PCDH9: variants seen among roughly 807,000 people sequenced by gnomAD.
PCDH9 encodes protocadherin-9.
Under a neutral mutation model 70.6 loss-of-function variants are expected in PCDH9, and 24 were observed. That is an observed-to-expected ratio of 0.34 (90% CI 0.25 to 0.48). The LOEUF is 0.48. Among genes scored for constraint, PCDH9 ranks in the 20% least tolerant of loss-of-function variants. The pLI, the probability that PCDH9 is intolerant of heterozygous loss-of-function variation, is 0.99. For missense variants in PCDH9, 1,281 were observed against 1,503.6 expected (o/e 0.85, Z 2.45); for synonymous variants, 562 against 558.5 (o/e 1.01, Z -0.09).
At chr13:67,179,277 G>T (rs2088553031) in intron 2 of PCDH9, among the ~76,000 whole-genome samples, 1 of 152,042 alleles carries the variant, frequency 6.6e-6, no homozygotes, top group African/African-American at 2.4e-5. Context: ...TTCACTTTCA[G>T]AATTGTCAGA....
At chr13:66,970,105 GATC>G (rs2083493899) in intron 2 of PCDH9, among the ~76,000 whole-genome samples, 2 of 151,980 alleles carry the variant, frequency 1.3e-5, no homozygotes, top group African/African-American at 4.8e-5. Context: ...AGAAAAACTA[GATC>G]ATCTCACACC....
At chr13:67,012,371 T>G (rs1346809998) in intron 2 of PCDH9, among the ~76,000 whole-genome samples, 6 of 151,928 alleles carry the variant, frequency 3.9e-5, no homozygotes, top group Non-Finnish European at 8.8e-5. Flanking sequence ...CTGGCCATCA[T>G]GTTTTCTCTG....
chr13:67,133,512 T>C (rs1225650201), intron 2 of PCDH9, among the ~76,000 whole-genome samples: 1 of 152,134 alleles, frequency 6.6e-6, no homozygotes, highest in African/African-American at 2.4e-5. Context: ...CTTTACTGTC[T>C]GTAATTCTAT....
intron 2 of PCDH9, among the ~76,000 whole-genome samples, chr13:66,909,876 GAC>G (rs2082430379): frequency 6.6e-6 from 1 of 152,114 alleles, no homozygotes; most frequent in Non-Finnish European, 1.5e-5. Context: ...TCGGGACCCT[GAC>G]ACATGTTCCT....
At chr13:66,340,583 G>C (rs1286580277) in intron 4 of PCDH9, among the ~76,000 whole-genome samples, 1 of 152,136 alleles carries the variant, frequency 6.6e-6, no homozygotes, top group Non-Finnish European at 1.5e-5. Context: ...TGCCAAATAT[G>C]TGCCACTTCA....
intron 2 of PCDH9, among the ~76,000 whole-genome samples, chr13:67,059,388 T>C (rs1741361427): frequency 6.8e-6 from 1 of 146,878 alleles, no homozygotes; most frequent in South Asian, 2.1e-4. Context: ...ATATATAGTA[T>C]ATAGTATATA....
At chr13:66,939,151 A>G (rs569760681) in intron 2 of PCDH9, among the ~76,000 whole-genome samples, 39 of 152,162 alleles carry the variant, frequency 2.6e-4, no homozygotes, top group Admixed American at 9.2e-4. Flanking sequence ...TGAGCAATCT[A>G]TACTGTATAA....
intron 4 of PCDH9, among the ~76,000 whole-genome samples, chr13:66,610,164 T>C (rs942389995): frequency 3.9e-5 from 6 of 152,142 alleles, no homozygotes; most frequent in Non-Finnish European, 7.4e-5. Flanking sequence ...GCTTATATTA[T>C]TACTAATGCA....
chr13:66,882,843 G>T (rs1033076313), intron 3 of PCDH9, among the ~76,000 whole-genome samples: 1 of 152,028 alleles, frequency 6.6e-6, no homozygotes, highest in East Asian at 1.9e-4. Flanking sequence ...AGTGCATAAG[G>T]TCTATCAGCC....
intron 2 of PCDH9, among the ~76,000 whole-genome samples, chr13:67,176,933 G>A (rs989869598): frequency 6.6e-6 from 1 of 152,086 alleles, no homozygotes; most frequent in African/African-American, 2.4e-5. Flanking sequence ...AAGAAAGACA[G>A]TACAACAGTT....
intron 4 of PCDH9, among the ~76,000 whole-genome samples, chr13:66,326,573 C>T (rs571069657): frequency 1.3e-5 from 2 of 152,160 alleles, no homozygotes; most frequent in African/African-American, 2.4e-5. Context: ...CGCCCGCCAC[C>T]ACGCCCGGAT....
chr13:66,945,134 G>A (rs2083068271), intron 2 of PCDH9, among the ~76,000 whole-genome samples: 1 of 151,984 alleles, frequency 6.6e-6, no homozygotes, highest in Admixed American at 6.6e-5. Context: ...ATTTCTATTA[G>A]TAAAGGTATC....
At chr13:66,854,556 A>G (rs2081364215) in intron 3 of PCDH9, among the ~76,000 whole-genome samples, 1 of 152,154 alleles carries the variant, frequency 6.6e-6, no homozygotes, top group Admixed American at 6.5e-5. Flanking sequence ...CTGAGGTTGA[A>G]CAAGGCAATG....
intron 4 of PCDH9, among the ~76,000 whole-genome samples, chr13:66,531,887 A>T (rs2138634532): frequency 6.6e-6 from 1 of 152,288 alleles, no homozygotes; most frequent in Non-Finnish European, 1.5e-5. Flanking sequence ...CATTAACTTA[A>T]GTTCTCTTGG....
chr13:66,597,210 G>C (rs2138834802), intron 4 of PCDH9, among the ~76,000 whole-genome samples: 1 of 151,662 alleles, frequency 6.6e-6, no homozygotes, highest in Non-Finnish European at 1.5e-5. Flanking sequence ...TGCAGACCCA[G>C]AGCAATCCAT....
At chr13:66,632,757 G>T (rs1328745593) in intron 3 of PCDH9, among the ~76,000 whole-genome samples, 3 of 152,016 alleles carry the variant, frequency 2.0e-5, no homozygotes, top group Non-Finnish European at 4.4e-5. Flanking sequence ...TGCGCTATTT[G>T]AATAAACCTA....
At chr13:66,636,618 T>G (rs1290363437) in intron 3 of PCDH9, among the ~76,000 whole-genome samples, 2 of 152,154 alleles carry the variant, frequency 1.3e-5, no homozygotes, top group South Asian at 2.1e-4. Flanking sequence ...AATATGATTT[T>G]ATGTATAGAG....
intron 3 of PCDH9, among the ~76,000 whole-genome samples, chr13:66,782,014 G>A (rs2080006597): frequency 6.6e-6 from 1 of 152,104 alleles, no homozygotes; most frequent in South Asian, 2.1e-4. Flanking sequence ...TTTTGTCCAA[G>A]TAAATCTCAA....
At chr13:66,786,579 C>G (rs762390160) in intron 3 of PCDH9, among the ~76,000 whole-genome samples, 9 of 152,134 alleles carry the variant, frequency 5.9e-5, no homozygotes, top group Non-Finnish European at 1.2e-4. Flanking sequence ...TACAAATTTT[C>G]TTATCTTTTA....
Sources: allele counts gnomAD v4.1 joint callset (sites outside exome capture counted in the v4.1 genomes callset), GRCh38; gene constraint gnomAD v4.1.1; transcripts MANE v1.5; gene names NCBI Gene and HGNC (gene_info 2026-07-23, HGNC 2026-07-21).